Variants in FRMD3 observed in about 807,000 individuals in gnomAD.
FRMD3 encodes FERM domain-containing protein 3.
FRMD3 carries 33 observed loss-of-function variants against 70.2 expected under a neutral mutation model. That is an observed-to-expected ratio of 0.47 (90% CI 0.36 to 0.63). FRMD3 has a LOEUF of 0.63. Among genes scored for constraint, FRMD3 ranks in the 20% least tolerant of loss-of-function variants. The pLI is 0.00. For synonymous variants in FRMD3, 279 were observed against 255.9 expected (o/e 1.09, Z -0.86); for missense variants, 632 against 711.4 (o/e 0.89, Z 1.27).
intron 3 of FRMD3, among the ~76,000 whole-genome samples, chr9:83,353,127 T>A (rs1448558697): frequency 6.6e-6 from 1 of 152,042 alleles, no homozygotes; most frequent in Non-Finnish European, 1.5e-5. Flanking sequence ...CTAGCCAACA[T>A]CATTGACCCC....
intron 1 of FRMD3, among the ~76,000 whole-genome samples, chr9:83,468,837 G>A (rs1828197733): frequency 6.6e-6 from 1 of 152,232 alleles, no homozygotes; most frequent in Non-Finnish European, 1.5e-5. Context: ...GGATCTGGGA[G>A]GAGGGTGGAG....
rs1369215892 is a variant in FRMD3, at chr9:83,501,001, T to C, written c.147+37084A>G. Among the ~76,000 whole-genome samples the C allele has an allele frequency of 2.0e-5, 3 of 152,344 alleles. No homozygotes were observed. The East Asian group carries it at 5.8e-4, about 29-fold the overall frequency. The stretch of plus-strand genomic sequence containing the variant: ...ATTTGCATAATATATGCGAAATACA[T>C]TATGTCCAAATCAAAGTTGCCAAAA... On this transcript the variant is annotated intron_variant, in intron 1 of 13. Coordinates refer to ENST00000304195, the MANE Select transcript of FRMD3 (RefSeq NM_174938.6).
chr9:83,333,134 A>C (rs975292571), intron 6 of FRMD3, among the ~76,000 whole-genome samples: 2 of 152,216 alleles, frequency 1.3e-5, no homozygotes, highest in African/African-American at 4.8e-5. Flanking sequence ...CCTCCAAACC[A>C]AAAGTATCTC....
intron 2 of FRMD3, among the ~76,000 whole-genome samples, chr9:83,378,211 C>T (rs1825209394): frequency 6.6e-6 from 1 of 151,778 alleles, no homozygotes; most frequent in East Asian, 1.9e-4. Flanking sequence ...AGAGACTTCT[C>T]ACTTGGTACC....
At chr9:83,418,724 T>C (rs1019163513) in intron 1 of FRMD3, among the ~76,000 whole-genome samples, 2 of 152,176 alleles carry the variant, frequency 1.3e-5, no homozygotes, top group African/African-American at 4.8e-5. Flanking sequence ...AGTGTGACAA[T>C]TCCCTAAAGA....
chr9:83,333,817 T>A (rs1184237503), intron 6 of FRMD3, among the ~76,000 whole-genome samples: 1 of 152,128 alleles, frequency 6.6e-6, no homozygotes, highest in Non-Finnish European at 1.5e-5. Flanking sequence ...AAGTCCTGAC[T>A]CCACTATTTA....
At chr9:83,518,604 G>A (rs11794765) in intron 1 of FRMD3, among the ~76,000 whole-genome samples, 64,370 of 151,912 alleles carry the variant, frequency 0.42, 14,265 homozygotes, top group Non-Finnish European at 0.49. Flanking sequence ...CCATCAAGCT[G>A]CCATTGACTT....
At chr9:83,322,799 G>C (rs188034471) in intron 6 of FRMD3, among the ~76,000 whole-genome samples, 1 of 152,108 alleles carries the variant, frequency 6.6e-6, no homozygotes, top group Non-Finnish European at 1.5e-5. Context: ...AAGCTGCCTC[G>C]AACCCTCTCC....
intron 2 of FRMD3, among the ~76,000 whole-genome samples, chr9:83,378,728 T>TATATAATTTATATTATATATA (rs1564047610): frequency 4.3e-5 from 4 of 93,016 alleles, no homozygotes; most frequent in African/African-American, 1.8e-4. Context: ...TTATATATAA[T>TATATAATTTATATTATATATA]ATATATACTT....
chr9:83,382,655 G>C (rs750764938), intron 2 of FRMD3, among the ~76,000 whole-genome samples: 1 of 152,026 alleles, frequency 6.6e-6, no homozygotes, highest in Non-Finnish European at 1.5e-5. Flanking sequence ...CTGCCTCCCT[G>C]CTTGGAACTG....
chr9:83,519,891 G>A (rs889310904), intron 1 of FRMD3, among the ~76,000 whole-genome samples: 2 of 152,058 alleles, frequency 1.3e-5, no homozygotes, highest in Non-Finnish European at 2.9e-5. Flanking sequence ...ATTAACACAC[G>A]AACAGAAAAC....
chr9:83,320,099 C>A, intron 6 of FRMD3, among the ~76,000 whole-genome samples: 1 of 152,152 alleles, frequency 6.6e-6, no homozygotes, highest in Non-Finnish European at 1.5e-5. Flanking sequence ...ATACCATCAG[C>A]AAACAGGGAA....
In FRMD3 at chr9:83,537,819, G is replaced by C. The variant is rs913681064; in HGVS notation, c.147+266C>G. On this transcript the variant is annotated intron_variant, in intron 1 of 13. Coordinates refer to ENST00000304195, the MANE Select transcript of FRMD3 (RefSeq NM_174938.6). This position sits in a 1 kb window ranked among gnomAD's most constrained non-coding sequence, Gnocchi z 4.1. ...CAGCTGCCCCGCGCCCCTAGCCCGG[G>C]CGCAGTGAGACGCGCGCGCAGGGTG... is the stretch of plus-strand genomic sequence containing the variant. Among the ~76,000 whole-genome samples, 1 of 150,046 alleles carries C rather than the reference G, an allele frequency of 6.7e-6. No individual in the cohort carries two copies. The highest frequency in any genetic ancestry group is 1.5e-5 in the Non-Finnish European group (1 of 67,394).
chr9:83,289,130 T>C (rs1834322465), intron 13 of FRMD3, among the ~76,000 whole-genome samples: 1 of 152,140 alleles, frequency 6.6e-6, no homozygotes, highest in Admixed American at 6.6e-5. Context: ...TCCAAGCATA[T>C]AGGAAGAAAC....
chr9:83,352,967 G>A (rs1020211850), intron 3 of FRMD3, among the ~76,000 whole-genome samples: 2 of 152,176 alleles, frequency 1.3e-5, no homozygotes, highest in African/African-American at 4.8e-5. Context: ...ATCAATACAA[G>A]GTGCTCAAGA....
chr9:83,453,325 A>G (rs949460905), intron 1 of FRMD3, among the ~76,000 whole-genome samples: 1 of 152,188 alleles, frequency 6.6e-6, no homozygotes, highest in African/African-American at 2.4e-5. Flanking sequence ...ACGCTTTATT[A>G]TATCTCCTCA....
the FRMD3 span, among the ~76,000 whole-genome samples, chr9:83,576,314 CA>C: frequency 1.3e-3 from 185 of 145,138 alleles, no homozygotes; most frequent in African/African-American, 4.2e-3. Flanking sequence ...TCAATAGTTG[CA>C]AAAAAAAAAA....
chr9:83,352,873 T>G (rs1007070294), intron 3 of FRMD3, among the ~76,000 whole-genome samples: 6 of 152,156 alleles, frequency 3.9e-5, no homozygotes, highest in African/African-American at 1.4e-4. Flanking sequence ...ATTCTTTTCA[T>G]ATCTGCTGTT....
chr9:83,337,352 C>T (rs751806379), intron 5 of FRMD3, among the ~76,000 whole-genome samples: 7 of 152,118 alleles, frequency 4.6e-5, no homozygotes, highest in African/African-American at 7.2e-5. Flanking sequence ...GATTCTTCAG[C>T]TGACACTAAC....
Sources: allele counts gnomAD v4.1 joint callset (sites outside exome capture counted in the v4.1 genomes callset), GRCh38; gene constraint gnomAD v4.1.1; non-coding constraint Gnocchi (gnomAD v3.1); transcripts MANE v1.5; gene names NCBI Gene and HGNC (gene_info 2026-07-23, HGNC 2026-07-21).